The following EGLN3 variants were observed in gnomAD, a reference collection of about 807,000 sequenced individuals.
EGLN3 encodes prolyl hydroxylase EGLN3.
A neutral mutation model predicts 26.0 loss-of-function variants in EGLN3; 15 were observed. That is an observed-to-expected ratio of 0.58 (90% CI 0.39 to 0.89). The LOEUF (loss-of-function observed/expected upper bound fraction) is 0.89, where lower values mean the gene tolerates loss of function less well. Among genes scored for constraint, EGLN3 ranks in the 40% least tolerant of loss-of-function variants. EGLN3 has a pLI of 0.00. For missense variants in EGLN3, 238 were observed against 311.6 expected, an observed-to-expected ratio of 0.76 and a Z score of 1.78; for synonymous variants, 147 against 127.2, an observed-to-expected ratio of 1.16 and a Z score of -1.05.
chr14:33,945,411 G>A (rs1374480265), intron 1 of EGLN3, among the ~76,000 whole-genome samples: 1 of 152,130 alleles, frequency 6.6e-6, no homozygotes, highest in Non-Finnish European at 1.5e-5. Context: ...GCCAGACTAC[G>A]GCTGATAGAT....
At position 33,950,501 on chromosome 14, in the gene EGLN3, G is replaced by C. The variant is rs765622460; in HGVS notation, c.252C>G (p.Asn84Lys). ...RGDQITWIGGNEEGCEAISFL... is the reference protein window; with the variant it reads ...RGDQITWIGGKEEGCEAISFL... ...AGCTGATGGCCTCGCAGCCCTCCTC[G>C]TTGCCCCCGATCCACGTGATCTGGT... The change falls in exon 1 of 5, where the codon AAC becomes AAG. Residue 84 changes from asparagine to lysine, a missense_variant. By Grantham distance (94) the Asn-to-Lys change is moderately conservative (BLOSUM62 0). Transcript: ENST00000250457. 15 of 1,613,544 alleles carry C rather than the reference G, an allele frequency of 9.3e-6. No individual in the cohort carries two copies. Among genetic ancestry groups the C allele is most frequent in the Admixed American group, 5.0e-5 (3 of 60,010 alleles).
chr14:33,930,947 G>T, intron 2 of EGLN3, 149 bp downstream of exon 2: 2 of 1,214,580 alleles, frequency 1.6e-6, no homozygotes, highest in Non-Finnish European at 1.1e-6. Context: ...TAATTCCATT[G>T]TCGCAGGAGG....
intron 2 of EGLN3, among the ~76,000 whole-genome samples, chr14:33,930,525 A>G (rs1197091540): frequency 6.6e-6 from 1 of 152,224 alleles, no homozygotes; most frequent in African/African-American, 2.4e-5. Flanking sequence ...GTCTGTAAGC[A>G]TGGAACCAGG....
chr14:33,942,296 A>G (rs2064489048), intron 1 of EGLN3, among the ~76,000 whole-genome samples: 3 of 111,648 alleles, frequency 2.7e-5, no homozygotes, highest in Non-Finnish European at 5.4e-5. Flanking sequence ...AAGTTTAGTT[A>G]AAAAAAAAAA....
chr14:33,939,509 C>A (rs1782730740), intron 1 of EGLN3, among the ~76,000 whole-genome samples: 1 of 107,982 alleles, frequency 9.3e-6, no homozygotes, highest in African/African-American at 3.4e-5. Context: ...CGCGCCCGGC[C>A]GAAACAATCT....
chr14:33,928,392 GGCTTATT>G (rs951561547), intron 3 of EGLN3, among the ~76,000 whole-genome samples: 1 of 152,098 alleles, frequency 6.6e-6, no homozygotes, highest in African/African-American at 2.4e-5. Context: ...AATGCTGCCC[GGCTTATT>G]GCTTTAGACA....
intron 1 of EGLN3, among the ~76,000 whole-genome samples, chr14:33,934,975 G>C (rs2064431043): frequency 6.6e-6 from 1 of 152,168 alleles, no homozygotes. Flanking sequence ...CTAGTATTCT[G>C]ATCTACCGAC....
chr14:33,929,090 G>C lies in EGLN3; in HGVS notation c.600C>G (p.Pro200=), dbSNP rs56675315. ...CCGGCTATTACCTGGTTGCGTAAGA[G>C]GGCTGCACTTCGTGTGGGTTCCTAC... ...SDRRNPHEVQ[P]SYATRYAMTV... The change falls in exon 3 of 5, where the codon CCC becomes CCG. Residue 200 remains proline, a synonymous_variant. Coordinates refer to ENST00000250457, the MANE Select transcript of EGLN3 (RefSeq NM_022073.4). The C allele has an allele frequency of 4.1e-5, 66 of 1,613,900 alleles. No homozygotes were observed. The Admixed American group carries it at 1.1e-3, about 26-fold the overall frequency.
chr14:33,929,817 T>TA (rs1005742391), intron 2 of EGLN3, among the ~76,000 whole-genome samples: 31 of 151,522 alleles, frequency 2.0e-4, no homozygotes, highest in Non-Finnish European at 3.1e-4. Flanking sequence ...GTTTTTGACT[T>TA]AAAAAAAAAT....
rs375310922 is a variant in EGLN3 at position 33,929,083 on chromosome 14, C to T, written c.607G>A (p.Ala203Thr). 17 of 1,613,616 alleles carry T rather than the reference C, an allele frequency of 1.1e-5. No individual in the cohort carries two copies. Among genetic ancestry groups the T allele is most frequent in the Non-Finnish European group, 1.4e-5 (17 of 1,179,922 alleles). ...RNPHEVQPSY[A>T]TRYAMTVWYF... ...CATGGCTCCGGCTATTACCTGGTTG[C>T]GTAAGAGGGCTGCACTTCGTGTGGG... Residue 203 changes from alanine (A) to threonine (T), a missense_variant, in exon 3 of 5, where the codon GCA (alanine) becomes ACA (threonine). By Grantham distance (58) the Ala-to-Thr change is moderately conservative. Coordinates refer to ENST00000250457, the MANE Select transcript of EGLN3 (RefSeq NM_022073.4).
rs774865539 is a variant in EGLN3, at chr14:33,924,240, G to A, written c.*1651C>T. The A allele has an allele frequency of 1.4e-4, 21 of 152,300 alleles. No individual in the cohort carries two copies. Among genetic ancestry groups the A allele is most frequent in the Non-Finnish European group, 2.4e-4 (16 of 68,022 alleles). 9.4% of individuals were successfully genotyped at this position (152,300 alleles called of 1,614,324 possible). On this transcript the variant is annotated 3_prime_UTR_variant, in exon 5 of 5. Transcript: ENST00000250457. The stretch of plus-strand genomic sequence containing the variant: ...TTAGAATGCTAATGTAGGAGACTGA[G>A]TTTATTCAACAAGTATTTACTGAGC...
chr14:33,925,549 G>C lies in EGLN3; in HGVS notation c.*342C>G, dbSNP rs747741670. The C allele has an allele frequency of 9.5e-5, 20 of 210,442 alleles. No individual in the cohort carries two copies. The highest frequency in any genetic ancestry group is 1.5e-4 in the Non-Finnish European group (16 of 105,026). 13.0% of individuals were successfully genotyped at this position (210,442 alleles called of 1,614,324 possible). A position where few individuals can be genotyped will look rare whatever the true frequency, so the allele number is the denominator to read the frequency against. ...AAACCTCCTCCTTTCAAATCAGGAA[G>C]TATACATAAAGTGCAAGTAAGGTTC... On this transcript the variant is annotated 3_prime_UTR_variant, in exon 5 of 5. Transcript: ENST00000250457.
chr14:33,927,086 C>T, intron 3 of EGLN3, 53 bp from the exon 4 acceptor site: 1 of 1,282,244 alleles, frequency 7.8e-7, no homozygotes, highest in East Asian at 2.7e-5. Flanking sequence ...CTACTAGAAA[C>T]ACAAATGTCC....
chr14:33,934,142 C>T (rs1212914511), intron 1 of EGLN3, among the ~76,000 whole-genome samples: 3 of 152,154 alleles, frequency 2.0e-5, no homozygotes, highest in Non-Finnish European at 4.4e-5. Context: ...TACACATTTA[C>T]CGCTCTGTCC....
intron 1 of EGLN3, among the ~76,000 whole-genome samples, chr14:33,941,801 G>T (rs2064485278): frequency 2.6e-5 from 4 of 152,148 alleles, no homozygotes. Context: ...CAGAGTTCTG[G>T]GGAGCAGAAG....
intron 1 of EGLN3, among the ~76,000 whole-genome samples, chr14:33,939,272 G>A (rs2064465112): frequency 6.6e-6 from 1 of 151,644 alleles, no homozygotes. Flanking sequence ...GTGCACTGGC[G>A]CGATCTCGGC....
intron 1 of EGLN3, among the ~76,000 whole-genome samples, chr14:33,940,723 T>C (rs897872973): frequency 5.9e-5 from 9 of 151,740 alleles, no homozygotes; most frequent in Non-Finnish European, 1.3e-4. Flanking sequence ...CCCTAAATGA[T>C]AAAGGTAAAG....
At chr14:33,934,055 G>A (rs1194404989) in intron 1 of EGLN3, among the ~76,000 whole-genome samples, 13 of 152,206 alleles carry the variant, frequency 8.5e-5, no homozygotes, top group African/African-American at 3.1e-4. Context: ...TAACACAGTA[G>A]TGTCATCTAC....
At chr14:33,945,095 G>A (rs1489257090) in intron 1 of EGLN3, among the ~76,000 whole-genome samples, 1 of 152,098 alleles carries the variant, frequency 6.6e-6, no homozygotes, top group Non-Finnish European at 1.5e-5. Context: ...CTTCCTACAG[G>A]AGCTAAGTTA....
Sources: allele counts gnomAD v4.1 joint callset (sites outside exome capture counted in the v4.1 genomes callset), GRCh38; gene constraint gnomAD v4.1.1; transcripts MANE v1.5; gene names NCBI Gene and HGNC (gene_info 2026-07-23, HGNC 2026-07-21).